The following TANGO6 variants were observed in gnomAD, a reference collection of about 807,000 sequenced individuals.
The protein encoded by TANGO6 is transport and Golgi organization protein 6 homolog.
In TANGO6, 90 loss-of-function variants were observed where a neutral mutation model predicts 114.2. That is an observed-to-expected ratio of 0.79 (90% CI 0.66 to 0.94). The LOEUF (loss-of-function observed/expected upper bound fraction) is 0.94. Among genes scored for constraint, TANGO6 ranks in the 40% least tolerant of loss-of-function variants. The probability of loss-of-function intolerance (pLI) is 0.00; values close to 1 mark genes in which losing one functional copy is unlikely to be tolerated. For missense variants in TANGO6, 1,274 were observed against 1,315.3 expected (o/e 0.97, Z 0.49); for synonymous variants, 477 against 509.8 (o/e 0.94, Z 0.87).
intron 1 of TANGO6, among the ~76,000 whole-genome samples, chr16:68,855,666 C>T (rs1961977308): frequency 6.6e-6 from 1 of 151,534 alleles, no homozygotes; most frequent in Admixed American, 6.6e-5. Flanking sequence ...AGGTGGATCA[C>T]CTGGTCAGGA....
intron 1 of TANGO6, among the ~76,000 whole-genome samples, chr16:68,858,275 G>C (rs1282016138): frequency 1.3e-5 from 2 of 152,136 alleles, no homozygotes; most frequent in African/African-American, 2.4e-5. Context: ...TGTTGGCCAG[G>C]CTGGTCTCCA....
At chr16:69,046,492 A>G (rs1959861491) in intron 17 of TANGO6, among the ~76,000 whole-genome samples, 1 of 151,940 alleles carries the variant, frequency 6.6e-6, no homozygotes, top group Non-Finnish European at 1.5e-5. Context: ...CTAATTTTGT[A>G]TTTTTAGTAG....
chr16:68,898,585 C>T (rs1962739267), intron 7 of TANGO6, among the ~76,000 whole-genome samples: 1 of 152,074 alleles, frequency 6.6e-6, no homozygotes, highest in Non-Finnish European at 1.5e-5. Flanking sequence ...AGTGATCCTC[C>T]CTCCTTGGCC....
At chr16:68,920,655 A>G (rs1963077453) in intron 12 of TANGO6, among the ~76,000 whole-genome samples, 1 of 152,094 alleles carries the variant, frequency 6.6e-6, no homozygotes, top group African/African-American at 2.4e-5. Flanking sequence ...GAGGATTCAA[A>G]TCTGATTCTG....
chr16:68,903,325 G>A lies in TANGO6; in HGVS notation c.1667+821G>A, dbSNP rs377744676. Among the ~76,000 whole-genome samples, 7 of 152,076 alleles carry A rather than the reference G, an allele frequency of 4.6e-5. No individual in the cohort carries two copies. The East Asian group carries it at 7.7e-4, about 17-fold the overall frequency. On this transcript the variant is annotated intron_variant, in intron 9 of 17. Transcript: ENST00000261778. ...TATTCTGCCCAGCAACAGTTATCAAGAAGATGTTTTTGGCCAGGCACGGTG... is the reference window on the plus strand; with the variant it reads ...TATTCTGCCCAGCAACAGTTATCAAAAAGATGTTTTTGGCCAGGCACGGTG...
intron 17 of TANGO6, among the ~76,000 whole-genome samples, chr16:69,050,515 A>G: frequency 1.4e-5 from 2 of 145,608 alleles, no homozygotes; most frequent in African/African-American, 2.6e-5. Context: ...TTTGAGACGG[A>G]GTCTTGCTCT....
At chr16:68,912,780 A>G (rs1040022426) in intron 11 of TANGO6, among the ~76,000 whole-genome samples, 1 of 151,290 alleles carries the variant, frequency 6.6e-6, no homozygotes, top group Non-Finnish European at 1.5e-5. Flanking sequence ...GAAGAGACCT[A>G]AAAGGTAATA....
chr16:69,075,459 T>A (rs561523095), intron 17 of TANGO6, among the ~76,000 whole-genome samples: 202 of 151,552 alleles, frequency 1.3e-3, no homozygotes, highest in Middle Eastern at 3.4e-3. Flanking sequence ...ACTTTTATTT[T>A]TTTTTTTTTT....
intron 17 of TANGO6, among the ~76,000 whole-genome samples, chr16:69,059,769 G>C (rs1420069994): frequency 1.3e-5 from 2 of 152,122 alleles, no homozygotes; most frequent in Non-Finnish European, 2.9e-5. Flanking sequence ...GGGTCAACAG[G>C]TACTTAGTTA....
chr16:69,027,102 T>C (rs938735412), intron 16 of TANGO6, among the ~76,000 whole-genome samples: 1 of 152,190 alleles, frequency 6.6e-6, no homozygotes, highest in Non-Finnish European at 1.5e-5. Flanking sequence ...CCTCAAGTGA[T>C]CTGCGTGCCT....
chr16:68,954,865 G>C (rs1160970821), intron 14 of TANGO6, among the ~76,000 whole-genome samples: 10 of 152,096 alleles, frequency 6.6e-5, no homozygotes, highest in Non-Finnish European at 1.3e-4. Flanking sequence ...TAACATGAAG[G>C]CATCAAAAAC....
intron 15 of TANGO6, among the ~76,000 whole-genome samples, chr16:69,004,459 A>G (rs930507664): frequency 6.6e-6 from 1 of 151,886 alleles, no homozygotes; most frequent in African/African-American, 2.4e-5. Context: ...GGGTTCAAGC[A>G]ATCCTCCTGC....
intron 12 of TANGO6, among the ~76,000 whole-genome samples, chr16:68,925,713 A>C (rs186764970): frequency 2.0e-5 from 3 of 152,010 alleles, no homozygotes; most frequent in African/African-American, 4.8e-5. Context: ...ATTTTCTACT[A>C]TGTTAACTTG....
intron 14 of TANGO6, among the ~76,000 whole-genome samples, chr16:68,970,995 A>G (rs1963698959): frequency 6.6e-6 from 1 of 152,104 alleles, no homozygotes; most frequent in Non-Finnish European, 1.5e-5. Flanking sequence ...TCTACCAAAA[A>G]TACAAAAATT....
At chr16:69,060,779 G>T (rs1960102739) in intron 17 of TANGO6, among the ~76,000 whole-genome samples, 1 of 151,568 alleles carries the variant, frequency 6.6e-6, no homozygotes, top group African/African-American at 2.4e-5. Flanking sequence ...GGATCACAAG[G>T]TCACGAGATC....
In TANGO6 at chr16:68,974,173, G is replaced by C; in HGVS notation, c.2842+5G>C. ...TGCGAATCGTCAGGGCATTAGGTGAGTTTTCTTGTTCCATCCACCTGGAAA... is the reference window on the plus strand; with the variant it reads ...TGCGAATCGTCAGGGCATTAGGTGACTTTTCTTGTTCCATCCACCTGGAAA... On this transcript the variant is annotated splice_donor_5th_base_variant and intron_variant, in intron 15 of 17. Coordinates refer to ENST00000261778, the MANE Select transcript of TANGO6 (RefSeq NM_024562.2). 1 of 1,613,920 alleles carries C rather than the reference G, an allele frequency of 6.2e-7. No individual in the cohort carries two copies. Among genetic ancestry groups the C allele is most frequent in the Non-Finnish European group, 8.5e-7 (1 of 1,179,870 alleles).
At chr16:69,048,785 G>T (rs1959901310) in intron 17 of TANGO6, among the ~76,000 whole-genome samples, 1 of 152,154 alleles carries the variant, frequency 6.6e-6, no homozygotes, top group African/African-American at 2.4e-5. Context: ...TTAATTACAA[G>T]AGTTACTCCT....
At chr16:68,974,323 T>A (rs1023013374) in intron 15 of TANGO6, among the ~76,000 whole-genome samples, 155 bp downstream of exon 15, 4 of 152,210 alleles carry the variant, frequency 2.6e-5, no homozygotes, top group Non-Finnish European at 1.5e-5. Context: ...AATATTCCGA[T>A]GTCTACTATG....
At position 69,048,580 on chromosome 16, in the gene TANGO6, C is replaced by G. The variant is rs1361311826; in HGVS notation, c.3108+8159C>G. 2.0e-5 allele frequency among the ~76,000 whole-genome samples: 3 copies of G among 151,972 alleles called. No homozygotes were observed. In the East Asian group the frequency reaches 5.8e-4, roughly 29 times the overall value. ...TTTTAAGTTCTGAGGCAAACTCAGG[C>G]CTCCATGCAGGAATGATTTTTAATC... is the stretch of plus-strand genomic sequence containing the variant. On this transcript the variant is annotated intron_variant, in intron 17 of 17. Transcript: ENST00000261778.
Sources: gnomAD v4.1 joint callset for allele counts (sites outside exome capture counted in the v4.1 genomes callset) on GRCh38, gnomAD v4.1.1 for gene constraint, MANE v1.5 for transcripts, NCBI Gene and HGNC (gene_info 2026-07-23, HGNC 2026-07-21) for gene names.